SDK1: variants seen among roughly 807,000 people sequenced by gnomAD.
SDK1 encodes protein sidekick-1.
A neutral mutation model predicts 245.5 loss-of-function variants in SDK1; 157 were observed. The ratio of observed to expected loss-of-function variants is 0.64; its 90% CI spans 0.56 to 0.73. SDK1 has a LOEUF of 0.73. Among genes scored for constraint, SDK1 ranks in the 30% least tolerant of loss-of-function variants. The pLI, the probability that SDK1 is intolerant of heterozygous loss-of-function variation, is 0.00. For missense variants in SDK1, 3,583 were observed against 3,002.3 expected (o/e 1.19, Z -4.52); for synonymous variants, 1,647 against 1,278.5 (o/e 1.29, Z -6.15).
intron 1 of SDK1, among the ~76,000 whole-genome samples, chr7:3,304,432 A>C (rs1454954289): frequency 6.6e-6 from 1 of 152,186 alleles, no homozygotes; most frequent in Non-Finnish European, 1.5e-5. Context: ...CTTTAGCTTT[A>C]CTGCTGGACT....
intron 1 of SDK1, among the ~76,000 whole-genome samples, chr7:3,482,974 TATTA>T (rs1241367810): frequency 6.6e-6 from 1 of 151,496 alleles, no homozygotes; most frequent in Non-Finnish European, 1.5e-5. Context: ...AATTCTCTCC[TATTA>T]ATTGATTTCT....
At chr7:3,554,182 T>C (rs1288290991) in intron 1 of SDK1, among the ~76,000 whole-genome samples, 1 of 152,154 alleles carries the variant, frequency 6.6e-6, no homozygotes, top group Non-Finnish European at 1.5e-5. Context: ...TCGTGGGACA[T>C]TCACCAAGAC....
At chr7:3,544,495 G>A (rs1779155116) in intron 1 of SDK1, among the ~76,000 whole-genome samples, 1 of 152,186 alleles carries the variant, frequency 6.6e-6, no homozygotes, top group African/African-American at 2.4e-5. Context: ...CTGCTCTCTT[G>A]GCTTAAGTTT....
intron 1 of SDK1, among the ~76,000 whole-genome samples, chr7:3,527,322 T>C (rs924664734): frequency 6.6e-6 from 1 of 151,852 alleles, no homozygotes; most frequent in Non-Finnish European, 1.5e-5. Context: ...AGCTGCAGAG[T>C]GTTGAGTACT....
chr7:3,348,314 G>T (rs1780561980), intron 1 of SDK1, among the ~76,000 whole-genome samples: 3 of 152,148 alleles, frequency 2.0e-5, no homozygotes, highest in African/African-American at 7.2e-5. Context: ...ACTCACAGTT[G>T]TTACGAAGGT....
At chr7:4,124,854 C>T (rs898632760) in intron 25 of SDK1, among the ~76,000 whole-genome samples, 7 of 149,736 alleles carry the variant, frequency 4.7e-5, no homozygotes, top group Admixed American at 1.3e-4. Context: ...AGGTGATGGG[C>T]GAATGGATGG....
At chr7:4,245,205 A>G (rs1786771089) in intron 43 of SDK1, among the ~76,000 whole-genome samples, 1 of 152,022 alleles carries the variant, frequency 6.6e-6, no homozygotes, top group African/African-American at 2.4e-5. Flanking sequence ...AGACAGGGAG[A>G]CCAGGCCTGG....
Position 3,635,656 on chromosome 7 carries a change from C to T in SDK1, c.459-3348C>T, listed in dbSNP as rs565381145. ...TGGGTGGGTAAAGTGTACCGTCACT[C>T]TGTTTTCTTCTCCCCTTTTTGGAAA... On this transcript the variant is annotated intron_variant, in intron 2 of 44. Transcript: ENST00000404826. Among the ~76,000 whole-genome samples the T allele has an allele frequency of 3.3e-5, 5 of 152,150 alleles. No homozygotes were observed. In the East Asian group the frequency reaches 9.7e-4, roughly 29 times the overall value.
chr7:3,344,561 G>A (rs990511958), intron 1 of SDK1, among the ~76,000 whole-genome samples: 1 of 152,170 alleles, frequency 6.6e-6, no homozygotes, highest in African/African-American at 2.4e-5. Context: ...GAATAAAAAT[G>A]TGACAGTTGC....
At chr7:3,858,217 G>C (rs1030189651) in intron 5 of SDK1, among the ~76,000 whole-genome samples, 1 of 151,996 alleles carries the variant, frequency 6.6e-6, no homozygotes, top group Admixed American at 6.6e-5. Flanking sequence ...AGAGAAAATT[G>C]CTAAACAGTA....
At chr7:4,075,004 C>T (rs978959298) in intron 20 of SDK1, among the ~76,000 whole-genome samples, 2 of 149,892 alleles carry the variant, frequency 1.3e-5, no homozygotes, top group East Asian at 2.0e-4. Flanking sequence ...TCTCCCCTCT[C>T]CCTGGGAGGA....
chr7:3,544,403 A>C (rs755137637), intron 1 of SDK1, among the ~76,000 whole-genome samples: 11 of 152,248 alleles, frequency 7.2e-5, no homozygotes, highest in Non-Finnish European at 1.6e-4. Flanking sequence ...GGGCCTGTAG[A>C]GGGCACTGCA....
At chr7:3,977,410 G>T (rs1440478304) in intron 13 of SDK1, among the ~76,000 whole-genome samples, 2 of 108,576 alleles carry the variant, frequency 1.8e-5, no homozygotes. Flanking sequence ...GGGGTCCCGG[G>T]GCTGAGGCTG....
At chr7:3,725,356 C>T (rs868184096) in intron 4 of SDK1, among the ~76,000 whole-genome samples, 7 of 152,194 alleles carry the variant, frequency 4.6e-5, no homozygotes, top group Middle Eastern at 6.8e-3. Context: ...CTGATAAGGG[C>T]TGAAAAGGAG....
chr7:3,799,234 T>C (rs1250088137), intron 4 of SDK1, among the ~76,000 whole-genome samples: 5 of 152,198 alleles, frequency 3.3e-5, no homozygotes, highest in Admixed American at 6.5e-5. Flanking sequence ...GTATGTACTT[T>C]GAAATTGTGT....
intron 35 of SDK1, among the ~76,000 whole-genome samples, chr7:4,183,748 AC>A (rs981335790): frequency 7.3e-5 from 11 of 150,738 alleles, no homozygotes; most frequent in Non-Finnish European, 1.5e-5. Flanking sequence ...GGCAGTTTCC[AC>A]CCCCAAACGA....
chr7:3,451,859 A>G (rs1241856502), intron 1 of SDK1, among the ~76,000 whole-genome samples: 1 of 152,200 alleles, frequency 6.6e-6, no homozygotes, highest in Non-Finnish European at 1.5e-5. Context: ...AAAGACTTAG[A>G]GAAGTGTATG....
intron 4 of SDK1, among the ~76,000 whole-genome samples, chr7:3,669,389 T>C (rs553163984): frequency 9.2e-5 from 14 of 152,324 alleles, no homozygotes; most frequent in Admixed American, 3.9e-4. Flanking sequence ...CCCTTTTCAT[T>C]GAACTCTTGA....
chr7:3,474,828 C>T (rs1397503730), intron 1 of SDK1, among the ~76,000 whole-genome samples: 1 of 152,086 alleles, frequency 6.6e-6, no homozygotes, highest in Admixed American at 6.5e-5. Flanking sequence ...ATGGTGGGGA[C>T]TATATAGGTG....
Sources: gnomAD v4.1 joint callset for allele counts (sites outside exome capture counted in the v4.1 genomes callset) on GRCh38, gnomAD v4.1.1 for gene constraint, MANE v1.5 for transcripts, NCBI Gene and HGNC (gene_info 2026-07-23, HGNC 2026-07-21) for gene names.